Variants in NTM observed in about 807,000 individuals in gnomAD.
NTM encodes the protein neurotrimin, also known as IgLON family member 2.
In NTM, 13 loss-of-function variants were observed where a neutral mutation model predicts 42.1. The ratio of observed to expected loss-of-function variants is 0.31; its 90% CI spans 0.20 to 0.49. NTM has a LOEUF of 0.49. Ranked by LOEUF, NTM falls within the 20% of genes least tolerant of loss-of-function variation. NTM has a pLI of 0.99. For synonymous variants in NTM, 187 were observed against 179.2 expected (o/e 1.04, Z -0.35); for missense variants, 373 against 452.8 (o/e 0.82, Z 1.60).
chr11:132,024,054 G>A (rs1431077828), intron 2 of NTM, among the ~76,000 whole-genome samples: 6 of 151,902 alleles, frequency 3.9e-5, no homozygotes, highest in African/African-American at 4.8e-5. Context: ...TCCTGACCTC[G>A]TGATCCGCCC....
intron 1 of NTM, among the ~76,000 whole-genome samples, chr11:131,522,970 C>T (rs979374253): frequency 6.6e-6 from 1 of 152,210 alleles, no homozygotes; most frequent in African/African-American, 2.4e-5. Flanking sequence ...GTAACCAGAG[C>T]TATGAGTTAC....
At chr11:132,211,366 C>T (rs1157081540) in intron 3 of NTM, among the ~76,000 whole-genome samples, 1 of 152,234 alleles carries the variant, frequency 6.6e-6, no homozygotes, top group Non-Finnish European at 1.5e-5. Flanking sequence ...CACCACTGCA[C>T]TCCAGCCTGG....
chr11:131,983,051 G>A (rs1426357941), intron 2 of NTM, among the ~76,000 whole-genome samples: 1 of 138,002 alleles, frequency 7.2e-6, no homozygotes, highest in Non-Finnish European at 1.6e-5. Flanking sequence ...AAAGGAAAAT[G>A]ATTTTTTTTT....
At chr11:132,148,087 TTTATTA>T (rs1283515204) in intron 3 of NTM, among the ~76,000 whole-genome samples, 1 of 152,160 alleles carries the variant, frequency 6.6e-6, no homozygotes, top group African/African-American at 2.4e-5. Flanking sequence ...ATGCCAAGTT[TTTATTA>T]TATTTTGCTT....
At chr11:131,615,638 G>A (rs1592235643) in intron 1 of NTM, among the ~76,000 whole-genome samples, 1 of 152,164 alleles carries the variant, frequency 6.6e-6, no homozygotes, top group East Asian at 1.9e-4. Context: ...CCGAAGTGCT[G>A]GGATCACAGG....
At chr11:131,783,556 A>T (rs962394198) in intron 1 of NTM, among the ~76,000 whole-genome samples, 2 of 152,164 alleles carry the variant, frequency 1.3e-5, no homozygotes, top group Non-Finnish European at 1.5e-5. Context: ...TTCTCTTTTC[A>T]ATGTATGGTG....
intron 1 of NTM, among the ~76,000 whole-genome samples, chr11:131,395,960 G>T (rs1348163714): frequency 6.6e-6 from 1 of 152,190 alleles, no homozygotes; most frequent in Non-Finnish European, 1.5e-5. Flanking sequence ...CCTGTGAGAA[G>T]TTCTTGGCTT....
At chr11:132,076,032 A>T (rs2058319862) in intron 2 of NTM, among the ~76,000 whole-genome samples, 2 of 152,158 alleles carry the variant, frequency 1.3e-5, no homozygotes, top group South Asian at 2.1e-4. Flanking sequence ...AATAGTATTG[A>T]TTACTCCATA....
intron 4 of NTM, among the ~76,000 whole-genome samples, chr11:132,215,688 T>G (rs1473406127): frequency 6.6e-6 from 1 of 152,210 alleles, no homozygotes; most frequent in African/African-American, 2.4e-5. Flanking sequence ...TTTCCGTATA[T>G]TATTATGGGC....
chr11:132,201,487 A>G (rs1021731416), intron 3 of NTM, among the ~76,000 whole-genome samples: 5 of 152,212 alleles, frequency 3.3e-5, no homozygotes, highest in African/African-American at 9.6e-5. Flanking sequence ...TTGAGCCTCA[A>G]AGGATATGGC....
intron 1 of NTM, among the ~76,000 whole-genome samples, chr11:131,741,632 G>A (rs2081215613): frequency 6.6e-6 from 1 of 152,168 alleles, no homozygotes; most frequent in African/African-American, 2.4e-5. Flanking sequence ...TAAAAACATA[G>A]TTGAAAGCAG....
chr11:132,055,141 T>C (rs942594603), intron 2 of NTM, among the ~76,000 whole-genome samples: 1 of 152,236 alleles, frequency 6.6e-6, no homozygotes, highest in Non-Finnish European at 1.5e-5. Context: ...TTGGATCATA[T>C]GTGGCTGTTT....
intron 1 of NTM, among the ~76,000 whole-genome samples, chr11:131,478,018 T>C (rs140271324): frequency 6.6e-6 from 1 of 152,154 alleles, no homozygotes; most frequent in African/African-American, 2.4e-5. Context: ...CTGACCTTTC[T>C]GCTTCCACTT....
chr11:132,069,909 C>T (rs1408825265), intron 2 of NTM, among the ~76,000 whole-genome samples: 1 of 147,134 alleles, frequency 6.8e-6, no homozygotes, highest in African/African-American at 2.6e-5. Flanking sequence ...CGTCACACAG[C>T]CAAAACACGT....
chr11:131,889,306 G>T (rs577318315), intron 1 of NTM, among the ~76,000 whole-genome samples: 2 of 152,292 alleles, frequency 1.3e-5, no homozygotes, highest in African/African-American at 4.8e-5. Context: ...ATTGAAGTAA[G>T]TCTCACAGCC....
chr11:131,715,328 G>A (rs2077578961), intron 1 of NTM, among the ~76,000 whole-genome samples: 1 of 152,144 alleles, frequency 6.6e-6, no homozygotes, highest in African/African-American at 2.4e-5. Context: ...ACTTCCCAAA[G>A]GCAAGTCAAT....
intron 2 of NTM, among the ~76,000 whole-genome samples, chr11:132,134,526 C>T (rs2067397627): frequency 6.6e-6 from 1 of 151,210 alleles, no homozygotes; most frequent in Admixed American, 6.6e-5. Context: ...CATTCTTATG[C>T]CTTTGAGTCC....
chr11:132,188,974 G>A (rs2059275667), intron 3 of NTM, among the ~76,000 whole-genome samples: 2 of 152,158 alleles, frequency 1.3e-5, no homozygotes, highest in African/African-American at 2.4e-5. Flanking sequence ...TGGGATGTGA[G>A]CATAAGAGCT....
intron 3 of NTM, among the ~76,000 whole-genome samples, chr11:132,150,779 A>T (rs1415817883): frequency 1.3e-5 from 2 of 151,918 alleles, no homozygotes; most frequent in Non-Finnish European, 2.9e-5. Flanking sequence ...GGGGGTGATG[A>T]CTCCACCAGG....
Sources: allele counts gnomAD v4.1 joint callset (sites outside exome capture counted in the v4.1 genomes callset), GRCh38; gene constraint gnomAD v4.1.1; transcripts MANE v1.5; gene names NCBI Gene and HGNC (gene_info 2026-07-23, HGNC 2026-07-21).